The following OXNAD1 variants were observed in gnomAD, a reference collection of about 807,000 sequenced individuals.
OXNAD1 encodes the protein oxidoreductase NAD-binding domain-containing protein 1.
Under a neutral mutation model 32.9 loss-of-function variants are expected in OXNAD1, and 34 were observed. The ratio of observed to expected loss-of-function variants is 1.03; its 90% confidence interval spans 0.79 to 1.38. The LOEUF is 1.38. OXNAD1 is among the 40% of genes most tolerant of loss of function. The pLI is 0.00. For synonymous variants in OXNAD1, 134 were observed against 135.2 expected, an observed-to-expected ratio of 0.99 and a Z score of 0.06; for missense variants, 407 against 379.4, an observed-to-expected ratio of 1.07 and a Z score of -0.60.
rs690388 is a variant in OXNAD1, at chr3:16,342,762, C to T, written c.*31-6414C>T. On this transcript the variant is annotated intron_variant, in intron 9 of 9. Transcript: ENST00000606098. This position sits in a 1 kb window ranked among gnomAD's most constrained non-coding sequence, Gnocchi z 4.0. ...TAAAGAGGCCACTGATTTAAAAGCT[C>T]TGTGTCAACATGCATGCCCAGCTTA... Among the ~76,000 whole-genome samples, 1 of 152,234 alleles carries T rather than the reference C, an allele frequency of 6.6e-6. No individual in the cohort carries two copies. Among genetic ancestry groups the T allele is most frequent in the Admixed American group, 6.5e-5 (1 of 15,300 alleles).
chr3:16,343,841 A>T (rs1425846887), intron 9 of OXNAD1, among the ~76,000 whole-genome samples: 1 of 152,212 alleles, frequency 6.6e-6, no homozygotes, highest in Non-Finnish European at 1.5e-5. Context: ...TTCCTAGGTA[A>T]GGTGAAATGT....
downstream of OXNAD1, among the ~76,000 whole-genome samples, chr3:16,350,771 A>G (rs146035753): frequency 4.1e-4 from 63 of 152,324 alleles, no homozygotes; most frequent in African/African-American, 1.5e-3. Context: ...AATCATCCCT[A>G]TCACAGGAAA....
At position 16,321,004 on chromosome 3, in the gene OXNAD1, A is replaced by G. The variant is rs2068985793; in HGVS notation, c.*31-16108A>G. On this transcript the variant is annotated intron_variant, in intron 9 of 9. Coordinates refer to the OXNAD1 transcript ENST00000435829. The surrounding 1 kb of genome is among the most constrained non-coding windows in gnomAD (Gnocchi z 4.8). ...TAGAATAGCTGAGGCGAGTGATGGT[A>G]GAGAGAAGTGGAGGGATTCCAGAGC... Among the ~76,000 whole-genome samples the G allele has an allele frequency of 6.6e-6, 1 of 152,210 alleles. No homozygotes were observed. The highest frequency in any genetic ancestry group is 1.5e-5 in the Non-Finnish European group (1 of 68,042).
At chr3:16,273,639 T>C (rs1490967161) in intron 4 of OXNAD1, among the ~76,000 whole-genome samples, 1 of 152,188 alleles carries the variant, frequency 6.6e-6, no homozygotes, top group East Asian at 1.9e-4. Context: ...TCCCTTCTCT[T>C]TGGCCTCCCA....
chr3:16,271,822 G>C lies in OXNAD1; in HGVS notation c.183+100G>C, dbSNP rs779654348. The C allele has an allele frequency of 5.5e-5, 55 of 993,226 alleles. No homozygotes were observed. The highest frequency in any genetic ancestry group is 2.2e-4 in the Middle Eastern group (1 of 4,594). 61.5% of individuals were successfully genotyped at this position (993,226 alleles called of 1,614,324 possible). On this transcript the variant is annotated intron_variant, in intron 4 of 8. Coordinates refer to ENST00000285083, the MANE Select transcript of OXNAD1 (RefSeq NM_138381.5). The surrounding 1 kb of genome is among the most constrained non-coding windows in gnomAD (Gnocchi z 4.6). The stretch of plus-strand genomic sequence containing the variant: ...AGCATTAGATGAGTCTGGTCCTTTT[G>C]AAGGAGAGTTGGGAAGTTTGTTATT...
chr3:16,329,591 G>A lies in OXNAD1; in HGVS notation c.*31-7521G>A, dbSNP rs1294797477. 1.3e-5 allele frequency among the ~76,000 whole-genome samples: 2 copies of A among 152,124 alleles called. No individual in the cohort carries two copies. Among genetic ancestry groups the A allele is most frequent in the Non-Finnish European group, 2.9e-5 (2 of 68,040 alleles). ...CAGCACAGCCCGTATTCCTCCTGCT[G>A]GGTGCCACGCTCACCACCTGCTGAA... On this transcript the variant is annotated intron_variant, in intron 9 of 9. Transcript: ENST00000435829. This position sits in a 1 kb window ranked among gnomAD's most constrained non-coding sequence, Gnocchi z 4.5.
rs143194451 is a variant in OXNAD1, at chr3:16,286,429, T to A, written c.271T>A (p.Ser91Thr). The A allele has an allele frequency of 6.2e-7, 1 of 1,613,926 alleles. No homozygotes were observed. Among genetic ancestry groups the A allele is most frequent in the Non-Finnish European group, 8.5e-7 (1 of 1,179,824 alleles). ...CTTGCTTGTTGCTGATCAAGACTTT[T>A]CCTTTAAAGCTGGCCAGTGGTAAGT... is the stretch of plus-strand genomic sequence containing the variant. Reference protein sequence around the residue: ...LRLLVADQDFSFKAGQWVDFF... With the variant: ...LRLLVADQDFTFKAGQWVDFF... Residue 91 changes from serine (S) to threonine (T), a missense_variant, in exon 5 of 9, where the codon TCC (serine) becomes ACC (threonine). By Grantham distance (58) the Ser-to-Thr change is moderately conservative. Coordinates refer to ENST00000285083, the MANE Select transcript of OXNAD1 (RefSeq NM_138381.5).
chr3:16,342,913 C>T lies in OXNAD1; in HGVS notation c.*31-6263C>T, dbSNP rs1184352272. Among the ~76,000 whole-genome samples, 2 of 152,334 alleles carry T rather than the reference C, an allele frequency of 1.3e-5. No individual in the cohort carries two copies. Among genetic ancestry groups the T allele is most frequent in the Non-Finnish European group, 2.9e-5 (2 of 68,042 alleles). ...CTGACTTTGAGTCTCGATCTCAGCT[C>T]ACTGCAGCCTCAACCTCCCAGGCTC... On this transcript the variant is annotated intron_variant, in intron 9 of 9. Coordinates refer to the OXNAD1 transcript ENST00000606098. The surrounding 1 kb of genome is among the most constrained non-coding windows in gnomAD (Gnocchi z 4.0).
At position 16,342,590 on chromosome 3, in the gene OXNAD1, G is replaced by C. The variant is rs2071388532; in HGVS notation, c.*31-6586G>C. Among the ~76,000 whole-genome samples, 1 of 152,004 alleles carries C rather than the reference G, an allele frequency of 6.6e-6. No homozygotes were observed. The highest frequency in any genetic ancestry group is 1.5e-5 in the Non-Finnish European group (1 of 67,994). On this transcript the variant is annotated intron_variant, in intron 9 of 9. Coordinates refer to the OXNAD1 transcript ENST00000606098. The surrounding 1 kb of genome is among the most constrained non-coding windows in gnomAD (Gnocchi z 4.0). ...TATGGTAACTATGTTTAACATTTTG[G>C]GAAAGTGTCCATGGATCACTTTTAT...
At chr3:16,281,048 C>T (rs767956502) in intron 4 of OXNAD1, among the ~76,000 whole-genome samples, 16 of 152,106 alleles carry the variant, frequency 1.1e-4, no homozygotes, top group Non-Finnish European at 1.8e-4. Context: ...TTTGCCTATC[C>T]AACAAAAGAA....
rs1217081438 is a variant in OXNAD1 at position 16,303,067 on chromosome 3, CA to C, written c.784+321del. Reference sequence around the variant, plus strand: ...CATTTGCCATTAATGGTCATTTAAACAACTCATAATTTCCTCTGAAAGGATT... The same window carrying C: ...CATTTGCCATTAATGGTCATTTAAACACTCATAATTTCCTCTGAAAGGATT... On this transcript the variant is annotated intron_variant, in intron 8 of 8. Transcript: ENST00000285083. The surrounding 1 kb of genome is among the most constrained non-coding windows in gnomAD (Gnocchi z 4.8). Among the ~76,000 whole-genome samples the C allele has an allele frequency of 3.3e-5, 5 of 152,182 alleles. No individual in the cohort carries two copies. Among genetic ancestry groups the C allele is most frequent in the South Asian group, 4.1e-4 (2 of 4,832 alleles).
downstream of OXNAD1, among the ~76,000 whole-genome samples, chr3:16,338,136 C>A (rs1460400889): frequency 6.6e-6 from 1 of 152,252 alleles, no homozygotes; most frequent in Non-Finnish European, 1.5e-5. The surrounding 1 kb of genome is among the most constrained non-coding windows in gnomAD (Gnocchi z 5.3). Context: ...GGTCCTGGTA[C>A]ATGCGGTTTC....
At chr3:16,340,112 C>T (rs1183412437), downstream of OXNAD1, among the ~76,000 whole-genome samples, 2 of 152,242 alleles carry the variant, frequency 1.3e-5, no homozygotes, top group Non-Finnish European at 1.5e-5. Context: ...TAGCTAGCCA[C>T]ACACAAACTT....
exon 10 of OXNAD1, chr3:16,349,381 G>T (rs577109688): frequency 6.6e-6 from 1 of 152,210 alleles, no homozygotes; most frequent in African/African-American, 2.4e-5. Context: ...AGGACAGAAG[G>T]GGGTACCTGA....
At chr3:16,291,165 G>T (rs2066405398) in intron 5 of OXNAD1, among the ~76,000 whole-genome samples, 1 of 152,198 alleles carries the variant, frequency 6.6e-6, no homozygotes. Context: ...GTGTAACTCA[G>T]AGGCCATATC....
chr3:16,271,779 T>C lies in OXNAD1; in HGVS notation c.183+57T>C. On this transcript the variant is annotated intron_variant, in intron 4 of 8. Coordinates refer to ENST00000285083, the MANE Select transcript of OXNAD1 (RefSeq NM_138381.5). The surrounding 1 kb of genome is among the most constrained non-coding windows in gnomAD (Gnocchi z 4.6). ...CAGCTAGACCGTTTACATGTGGTTA[T>C]GACTGGCTTATGGGTAAAGCATTAG... is the stretch of plus-strand genomic sequence containing the variant. 6.9e-7 allele frequency: 1 copy of C among 1,453,884 alleles called. No individual in the cohort carries two copies. Among genetic ancestry groups the C allele is most frequent in the Non-Finnish European group, 9.4e-7 (1 of 1,059,092 alleles). 90.1% of individuals were successfully genotyped at this position (1,453,884 alleles called of 1,614,324 possible). A position where few individuals can be genotyped will look rare whatever the true frequency, so the allele number is the denominator to read the frequency against.
Position 16,320,378 on chromosome 3 carries a change from C to G in OXNAD1, c.*31-16734C>G, listed in dbSNP as rs1452135003. On this transcript the variant is annotated intron_variant, in intron 9 of 9. Coordinates refer to the OXNAD1 transcript ENST00000435829. This position sits in a 1 kb window ranked among gnomAD's most constrained non-coding sequence, Gnocchi z 4.5. ...CCTCGGTGTGCCAATCTTGCAGTTTCTTTTCTTAAGTTTTAATGCTAGACA... is the reference window on the plus strand; with the variant it reads ...CCTCGGTGTGCCAATCTTGCAGTTTGTTTTCTTAAGTTTTAATGCTAGACA... Among the ~76,000 whole-genome samples the G allele has an allele frequency of 1.3e-5, 2 of 152,142 alleles. No individual in the cohort carries two copies. Among genetic ancestry groups the G allele is most frequent in the Non-Finnish European group, 2.9e-5 (2 of 68,012 alleles).
chr3:16,317,296 C>T lies in OXNAD1; in HGVS notation c.*30+13704C>T, dbSNP rs2068513150. 3.2e-6 allele frequency: 5 copies of T among 1,554,058 alleles called. No homozygotes were observed. Among genetic ancestry groups the T allele is most frequent in the Non-Finnish European group, 4.4e-6 (5 of 1,145,678 alleles). On this transcript the variant is annotated intron_variant, in intron 9 of 9. Transcript: ENST00000435829. The surrounding 1 kb of genome is among the most constrained non-coding windows in gnomAD (Gnocchi z 4.3). Reference sequence around the variant, plus strand: ...CGGGAACCCAGAGCTTCACCCAAAGCCTTGTTTGCATTCATACCCACACCA... The same window carrying T: ...CGGGAACCCAGAGCTTCACCCAAAGTCTTGTTTGCATTCATACCCACACCA...
Position 16,269,292 on chromosome 3 carries a change from T to C in OXNAD1, c.-9+17T>C. The C allele has an allele frequency of 6.5e-7, 1 of 1,533,146 alleles. No homozygotes were observed. The highest frequency in any genetic ancestry group is 8.7e-7 in the Non-Finnish European group (1 of 1,144,740). 95.0% of individuals were successfully genotyped at this position (1,533,146 alleles called of 1,614,324 possible). A position where few individuals can be genotyped will look rare whatever the true frequency, so the allele number is the denominator to read the frequency against. On this transcript the variant is annotated intron_variant, in intron 2 of 8. Transcript: ENST00000285083. Reference sequence around the variant, plus strand: ...ACTTCTAAGGTAAGTTTCAACTTCTTTCTTTCAGGGATTAAGGTAACATTA... The same window carrying C: ...ACTTCTAAGGTAAGTTTCAACTTCTCTCTTTCAGGGATTAAGGTAACATTA...
Sources: gnomAD v4.1 joint callset for allele counts (sites outside exome capture counted in the v4.1 genomes callset) on GRCh38, gnomAD v4.1.1 for gene constraint, Gnocchi (gnomAD v3.1) non-coding constraint, MANE v1.5 for transcripts, NCBI Gene and HGNC (gene_info 2026-07-23, HGNC 2026-07-21) for gene names.